SAMMSON: variants seen among roughly 807,000 people sequenced by gnomAD.
SAMMSON encodes the protein survival associated mitochondrial melanoma specific oncogenic non-coding RNA.
chr3:70,279,735 C>G (rs1315404934), intron 6 of SAMMSON, among the ~76,000 whole-genome samples: 1 of 152,142 alleles, frequency 6.6e-6, no homozygotes, highest in Non-Finnish European at 1.5e-5. Flanking sequence ...GAGTAGTTGC[C>G]AAGGAGCTGG....
intron 4 of SAMMSON, among the ~76,000 whole-genome samples, chr3:70,118,599 A>G (rs2067421138): frequency 6.6e-6 from 1 of 152,184 alleles, no homozygotes; most frequent in Admixed American, 6.5e-5. Flanking sequence ...CTGTTCTGTA[A>G]AACAGAAATC....
At chr3:70,314,476 A>G (rs1042364456) in intron 7 of SAMMSON, among the ~76,000 whole-genome samples, 1 of 152,280 alleles carries the variant, frequency 6.6e-6, no homozygotes, top group Admixed American at 6.5e-5. Context: ...CAAATTATCT[A>G]AACTTTACAT....
At chr3:70,215,353 C>G (rs749613353) in intron 4 of SAMMSON, among the ~76,000 whole-genome samples, 12 of 152,088 alleles carry the variant, frequency 7.9e-5, no homozygotes, top group Non-Finnish European at 1.5e-4. Flanking sequence ...AAACGAAGCA[C>G]TCTGATATGA....
At chr3:70,192,345 C>T (rs1280654041) in intron 4 of SAMMSON, among the ~76,000 whole-genome samples, 1 of 152,150 alleles carries the variant, frequency 6.6e-6, no homozygotes, top group East Asian at 1.9e-4. Flanking sequence ...TCAAGATAAC[C>T]CTTTGGCTGA....
chr3:70,293,706 A>G (rs1044521255), intron 7 of SAMMSON, among the ~76,000 whole-genome samples: 2 of 152,106 alleles, frequency 1.3e-5, no homozygotes, highest in Non-Finnish European at 2.9e-5. Flanking sequence ...TTTCACTAGA[A>G]GTAACAGGAT....
intron 4 of SAMMSON, chr3:70,096,047 G>T (rs939410069): frequency 6.6e-6 from 1 of 152,174 alleles, no homozygotes; most frequent in Admixed American, 6.5e-5. Context: ...TCAAGGTATT[G>T]GGCAAGGATA....
chr3:70,282,492 T>A (rs978977550), intron 6 of SAMMSON, among the ~76,000 whole-genome samples: 1 of 152,216 alleles, frequency 6.6e-6, no homozygotes, highest in Non-Finnish European at 1.5e-5. Context: ...GATTGGGCCC[T>A]GAGCCTCTGG....
intron 7 of SAMMSON, among the ~76,000 whole-genome samples, chr3:70,339,589 C>A (rs139810187): frequency 5.3e-5 from 8 of 152,018 alleles, no homozygotes; most frequent in African/African-American, 1.9e-4. Flanking sequence ...AGCAAGTGGG[C>A]GAAGGATATG....
At chr3:70,348,716 CAG>C (rs1702770600) in intron 7 of SAMMSON, among the ~76,000 whole-genome samples, 1 of 152,056 alleles carries the variant, frequency 6.6e-6, no homozygotes, top group South Asian at 2.1e-4. Flanking sequence ...ATGCCTAGAG[CAG>C]AGAGTGTGAT....
At chr3:70,401,860 T>A (rs1701144109) in intron 2 of SAMMSON, among the ~76,000 whole-genome samples, 1 of 152,178 alleles carries the variant, frequency 6.6e-6, no homozygotes, top group African/African-American at 2.4e-5. Flanking sequence ...TTTGAAAAAG[T>A]CATGAGCAAA....
At chr3:70,329,108 A>T (rs577364470) in intron 7 of SAMMSON, among the ~76,000 whole-genome samples, 1 of 152,280 alleles carries the variant, frequency 6.6e-6, no homozygotes, top group Admixed American at 6.5e-5. Flanking sequence ...ATAGTTAATC[A>T]TGGTCATTCA....
intron 7 of SAMMSON, among the ~76,000 whole-genome samples, chr3:70,291,661 G>A (rs1357234980): frequency 6.6e-6 from 1 of 152,182 alleles, no homozygotes; most frequent in African/African-American, 2.4e-5. Flanking sequence ...ACTCATAACA[G>A]ATTTGCTAGC....
intron 4 of SAMMSON, among the ~76,000 whole-genome samples, chr3:70,150,659 T>C (rs905355566): frequency 6.6e-6 from 1 of 152,088 alleles, no homozygotes; most frequent in African/African-American, 2.4e-5. Context: ...ACTCTGGATG[T>C]AATCGCATGC....
At chr3:70,333,844 T>A (rs1575627720) in intron 7 of SAMMSON, among the ~76,000 whole-genome samples, 1 of 152,220 alleles carries the variant, frequency 6.6e-6, no homozygotes, top group East Asian at 1.9e-4. Context: ...ATGAAGCATG[T>A]GAAGAAACTG....
intron 4 of SAMMSON, among the ~76,000 whole-genome samples, chr3:70,100,515 TG>T (rs71620115): frequency 7.5e-5 from 11 of 146,784 alleles, no homozygotes; most frequent in African/African-American, 2.6e-4. Flanking sequence ...CTTGAAAGAG[TG>T]GGGGGGGGGG....
intron 6 of SAMMSON, among the ~76,000 whole-genome samples, chr3:70,287,442 C>T (rs1702178002): frequency 2.0e-5 from 3 of 151,760 alleles, no homozygotes; most frequent in African/African-American, 7.3e-5. Flanking sequence ...TTTTGATGTG[C>T]TGCTGGATTC....
At chr3:70,339,632 A>C (rs1702694634) in intron 7 of SAMMSON, among the ~76,000 whole-genome samples, 1 of 152,228 alleles carries the variant, frequency 6.6e-6, no homozygotes, top group Non-Finnish European at 1.5e-5. Flanking sequence ...ACATTTATGC[A>C]GCCAACAGAC....
At chr3:70,010,356 G>A (rs2066948737) in intron 1 of SAMMSON, among the ~76,000 whole-genome samples, 1 of 152,088 alleles carries the variant, frequency 6.6e-6, no homozygotes, top group African/African-American at 2.4e-5. Flanking sequence ...AGGATAGTTA[G>A]CTCTTCATGT....
intron 2 of SAMMSON, among the ~76,000 whole-genome samples, chr3:70,418,999 C>CTCTTTCTTTCTT (rs1553664170): frequency 8.4e-6 from 1 of 119,294 alleles, no homozygotes. Context: ...CTCTCTCTCT[C>CTCTTTCTTTCTT]TCTTTCTTTC....
Sources: gnomAD v4.1 joint callset for allele counts (sites outside exome capture counted in the v4.1 genomes callset) on GRCh38, gnomAD v4.1.1 for gene constraint, MANE v1.5 for transcripts, NCBI Gene and HGNC (gene_info 2026-07-23, HGNC 2026-07-21) for gene names.